The following CRACD variants were observed in gnomAD, a reference collection of about 807,000 sequenced individuals.
CRACD encodes capping protein inhibiting regulator of actin dynamics, also known as capping protein-inhibiting regulator of actin dynamics.
In CRACD, 56 loss-of-function variants were observed where a neutral mutation model predicts 106.8. The ratio of observed to expected loss-of-function variants is 0.52; its 90% confidence interval spans 0.42 to 0.66. The LOEUF (loss-of-function observed/expected upper bound fraction) is 0.66, where lower values mean the gene tolerates loss of function less well. Ranked by LOEUF, CRACD falls within the 30% of genes least tolerant of loss-of-function variation. The probability of loss-of-function intolerance (pLI) is 0.00; values close to 1 mark genes in which losing one functional copy is unlikely to be tolerated. For missense variants in CRACD, 1,730 were observed against 1,623.2 expected, an observed-to-expected ratio of 1.07 and a Z score of -1.13; for synonymous variants, 754 against 670.8, an observed-to-expected ratio of 1.12 and a Z score of -1.92.
At chr4:56,310,457 GA>G (rs1745071450) in intron 5 of CRACD, among the ~76,000 whole-genome samples, 1 of 152,210 alleles carries the variant, frequency 6.6e-6, no homozygotes, top group South Asian at 2.1e-4. Context: ...AACTCGGGGA[GA>G]GGCTGGTGCA....
chr4:56,295,688 T>TAG (rs1226936974), intron 3 of CRACD, among the ~76,000 whole-genome samples: 27 of 132,316 alleles, frequency 2.0e-4, no homozygotes, highest in African/African-American at 7.1e-4. Context: ...TATATATATA[T>TAG]ATATATATAT....
intron 3 of CRACD, among the ~76,000 whole-genome samples, chr4:56,272,933 A>G (rs950660336): frequency 2.0e-5 from 3 of 149,910 alleles, no homozygotes; most frequent in African/African-American, 7.4e-5. Flanking sequence ...AATGGGTTCC[A>G]TCTCTGGGAA....
At chr4:56,135,979 C>T (rs1340875988) in intron 1 of CRACD, among the ~76,000 whole-genome samples, 6 of 152,056 alleles carry the variant, frequency 3.9e-5, no homozygotes, top group Admixed American at 1.3e-4. Context: ...AATTACTTTG[C>T]ATTTTATAGA....
chr4:56,176,746 A>C (rs1736601570), intron 1 of CRACD, among the ~76,000 whole-genome samples: 2 of 151,982 alleles, frequency 1.3e-5, no homozygotes, highest in Non-Finnish European at 2.9e-5. Flanking sequence ...AATTTCTTTC[A>C]TTGGTGTTTT....
intron 1 of CRACD, among the ~76,000 whole-genome samples, chr4:56,164,349 T>A (rs919658585): frequency 1.3e-5 from 2 of 151,386 alleles, no homozygotes; most frequent in Non-Finnish European, 2.9e-5. Flanking sequence ...TTAGCCAGGA[T>A]GGTCTCAATC....
chr4:56,277,359 T>C (rs1301964287), intron 3 of CRACD, among the ~76,000 whole-genome samples: 1 of 151,742 alleles, frequency 6.6e-6, no homozygotes, highest in Non-Finnish European at 1.5e-5. Flanking sequence ...CAATGTAATA[T>C]ACCATATTAA....
intron 2 of CRACD, among the ~76,000 whole-genome samples, chr4:56,223,513 T>C (rs559974024): frequency 6.6e-6 from 1 of 152,360 alleles, no homozygotes; most frequent in East Asian, 1.9e-4. Flanking sequence ...TTAGTCTTTG[T>C]TCCACTTGGA....
At chr4:56,182,024 A>G (rs1736849810) in intron 2 of CRACD, among the ~76,000 whole-genome samples, 1 of 152,106 alleles carries the variant, frequency 6.6e-6, no homozygotes, top group Non-Finnish European at 1.5e-5. Context: ...TTCCCATCTT[A>G]CAAGTAGAGA....
rs187764848 is a variant in CRACD, at chr4:56,134,104, G to T, written c.-335-45180G>T. 6.6e-5 allele frequency among the ~76,000 whole-genome samples: 10 copies of T among 152,128 alleles called. No individual in the cohort carries two copies. In the East Asian group the frequency reaches 1.4e-3, roughly 21 times the overall value. On this transcript the variant is annotated intron_variant, in intron 1 of 10. Transcript: ENST00000682029. ...TAGTCCCAGCTCCTCGAGAGGCTGAGGTGGGAGGATCACCTGAGCCCAGGA... is the reference window on the plus strand; with the variant it reads ...TAGTCCCAGCTCCTCGAGAGGCTGATGTGGGAGGATCACCTGAGCCCAGGA...
chr4:56,156,648 G>T (rs1735772614), intron 1 of CRACD, among the ~76,000 whole-genome samples: 1 of 152,136 alleles, frequency 6.6e-6, no homozygotes, highest in Admixed American at 6.6e-5. Flanking sequence ...ATTCAACCAG[G>T]TTTTTCCTGA....
At chr4:56,058,877 C>A (rs1732175478) in intron 1 of CRACD, among the ~76,000 whole-genome samples, 2 of 152,124 alleles carry the variant, frequency 1.3e-5, no homozygotes, top group Admixed American at 6.5e-5. Context: ...TGTCAGGGAA[C>A]CTCCGACACT....
At chr4:56,299,465 T>C (rs1035654451) in intron 4 of CRACD, among the ~76,000 whole-genome samples, 1 of 151,474 alleles carries the variant, frequency 6.6e-6, no homozygotes, top group Non-Finnish European at 1.5e-5. Context: ...AACTCAGGAG[T>C]TTGAGACTAA....
At chr4:56,081,943 C>G (rs965937159) in intron 1 of CRACD, among the ~76,000 whole-genome samples, 7 of 152,004 alleles carry the variant, frequency 4.6e-5, no homozygotes, top group African/African-American at 1.7e-4. Flanking sequence ...CCATTGTATT[C>G]TAGCCTGAGT....
chr4:56,325,991 A>G (rs574319825), intron 10 of CRACD, among the ~76,000 whole-genome samples: 1 of 152,334 alleles, frequency 6.6e-6, no homozygotes, highest in Non-Finnish European at 1.5e-5. Context: ...GGCTCACTGC[A>G]GCCTCCGCCT....
At chr4:56,246,996 T>C (rs1172259079) in intron 2 of CRACD, among the ~76,000 whole-genome samples, 1 of 152,208 alleles carries the variant, frequency 6.6e-6, no homozygotes, top group East Asian at 1.9e-4. Context: ...TCGAGTACAT[T>C]CATAGTTGGC....
At chr4:56,126,266 C>T (rs1734659356) in intron 1 of CRACD, among the ~76,000 whole-genome samples, 1 of 152,078 alleles carries the variant, frequency 6.6e-6, no homozygotes, top group Non-Finnish European at 1.5e-5. Flanking sequence ...GGATTTCCAC[C>T]TTTTAGTGGG....
intron 1 of CRACD, among the ~76,000 whole-genome samples, chr4:56,145,719 C>T (rs567521995): frequency 1.3e-5 from 2 of 152,036 alleles, no homozygotes; most frequent in Non-Finnish European, 2.9e-5. Flanking sequence ...TCAGGCGATC[C>T]TCCTGCCTCA....
At chr4:56,313,153 GT>G (rs1167980539) in intron 6 of CRACD, 43 bp from the exon 7 acceptor site, 1 of 1,560,904 alleles carries the variant, frequency 6.4e-7, no homozygotes, top group East Asian at 2.3e-5. Context: ...CCTGCAGGTT[GT>G]CTTCTGATCC....
At chr4:56,219,939 G>A (rs1235795344) in intron 2 of CRACD, among the ~76,000 whole-genome samples, 1 of 152,100 alleles carries the variant, frequency 6.6e-6, no homozygotes, top group African/African-American at 2.4e-5. Context: ...GGTGCATTCA[G>A]GCTTACAGTA....
Sources: gnomAD v4.1 joint callset for allele counts (sites outside exome capture counted in the v4.1 genomes callset) on GRCh38, gnomAD v4.1.1 for gene constraint, MANE v1.5 for transcripts, NCBI Gene and HGNC (gene_info 2026-07-23, HGNC 2026-07-21) for gene names.